Variants in EBF1 observed in about 807,000 individuals in gnomAD.
EBF1 encodes EBF transcription factor 1.
In EBF1, 10 loss-of-function variants were observed where a neutral mutation model predicts 68.4. That is an observed-to-expected ratio of 0.15 (90% CI 0.09 to 0.25). The LOEUF (loss-of-function observed/expected upper bound fraction) is 0.25. Ranked by LOEUF, EBF1 falls within the 10% of genes least tolerant of loss-of-function variation. The pLI is 1.00. For missense variants in EBF1, 509 were observed against 794.4 expected (o/e 0.64, Z 4.32); for synonymous variants, 298 against 299.8 (o/e 0.99, Z 0.06).
intron 6 of EBF1, among the ~76,000 whole-genome samples, chr5:158,847,010 T>C (rs1287166723): frequency 6.6e-6 from 1 of 152,160 alleles, no homozygotes; most frequent in Non-Finnish European, 1.5e-5. Flanking sequence ...TGTGGCACTA[T>C]CTTGGGGATC....
chr5:158,824,003 C>T (rs985547531), intron 7 of EBF1, among the ~76,000 whole-genome samples: 9 of 151,874 alleles, frequency 5.9e-5, no homozygotes, highest in Non-Finnish European at 1.2e-4. Context: ...CATAAAGTGA[C>T]TGTGAACCCA....
chr5:158,938,101 T>C (rs1479934458), intron 6 of EBF1, among the ~76,000 whole-genome samples: 1 of 152,228 alleles, frequency 6.6e-6, no homozygotes, highest in Non-Finnish European at 1.5e-5. Context: ...AATCTTGATA[T>C]TTTTGTTTTG....
At chr5:159,014,136 T>C (rs568026652) in intron 6 of EBF1, among the ~76,000 whole-genome samples, 2 of 152,372 alleles carry the variant, frequency 1.3e-5, no homozygotes, top group South Asian at 4.1e-4. Flanking sequence ...TTATCTTTTA[T>C]TATTTCTTCT....
chr5:158,788,796 C>G (rs561265919), intron 9 of EBF1, among the ~76,000 whole-genome samples: 100 of 152,168 alleles, frequency 6.6e-4, no homozygotes, highest in Admixed American at 1.3e-3. Context: ...ACCTCCTGAA[C>G]ACGCTGTAAA....
rs540968998 is a variant in EBF1, at chr5:159,041,265, G to A, written c.554+32131C>T. Among the ~76,000 whole-genome samples, 6 of 152,232 alleles carry A rather than the reference G, an allele frequency of 3.9e-5. No homozygotes were observed. In the South Asian group the frequency reaches 1.0e-3, roughly 26 times the overall value. The stretch of plus-strand genomic sequence containing the variant: ...CAAACACTGCATGGAAAAGGCAAAC[G>A]TTAACTTTTTAATGTTCTGTGTCAT... On this transcript the variant is annotated intron_variant, in intron 6 of 15. Coordinates refer to ENST00000313708, the MANE Select transcript of EBF1 (RefSeq NM_024007.5).
At chr5:158,763,520 G>C (rs771129303) in intron 10 of EBF1, among the ~76,000 whole-genome samples, 1 of 152,082 alleles carries the variant, frequency 6.6e-6, no homozygotes, top group Non-Finnish European at 1.5e-5. Flanking sequence ...CTTCTTTTTT[G>C]TCAACAGACA....
chr5:158,784,348 G>T (rs1777007932), intron 9 of EBF1, among the ~76,000 whole-genome samples: 1 of 152,128 alleles, frequency 6.6e-6, no homozygotes, highest in Non-Finnish European at 1.5e-5. Context: ...CATAATTCCT[G>T]GTACATGTAC....
chr5:159,096,899 C>T, intron 2 of EBF1, 75 bp downstream of exon 2: 1 of 1,536,210 alleles, frequency 6.5e-7, no homozygotes, highest in Non-Finnish European at 8.8e-7. Flanking sequence ...CAAGGAAGGG[C>T]GCGCTGCCCA....
rs76807040 is a variant in EBF1 at position 158,699,174 on chromosome 5, C to T, written c.1745-32G>A. The T allele has an allele frequency of 0.027, 43,319 of 1,590,722 alleles. 5,744 individuals carry two copies. The African/African-American group carries it at 0.39, about 14-fold the overall frequency. On this transcript the variant is annotated intron_variant, in intron 15 of 15. Coordinates refer to ENST00000313708, the MANE Select transcript of EBF1 (RefSeq NM_024007.5). ...AAGAAAAGACAGAAGTCAATGGTTT[C>T]TTTGCGTTCAAACTTCTCACTGAGA...
At chr5:158,904,782 C>A (rs891923797) in intron 6 of EBF1, among the ~76,000 whole-genome samples, 3 of 152,108 alleles carry the variant, frequency 2.0e-5, no homozygotes, top group Non-Finnish European at 4.4e-5. Flanking sequence ...TTATACAAGG[C>A]ACATGCTCGC....
intron 8 of EBF1, among the ~76,000 whole-genome samples, chr5:158,818,541 A>G (rs1287906263): frequency 6.6e-6 from 1 of 152,228 alleles, no homozygotes; most frequent in African/African-American, 2.4e-5. Context: ...ATTTCTCCAA[A>G]GCTATAATTA....
intron 10 of EBF1, among the ~76,000 whole-genome samples, chr5:158,758,229 AT>A (rs1475040080): frequency 6.6e-6 from 1 of 152,232 alleles, no homozygotes; most frequent in African/African-American, 2.4e-5. Flanking sequence ...TTTACTTAAC[AT>A]CTACTGGGTA....
At chr5:159,054,683 C>G (rs1774430837) in intron 6 of EBF1, among the ~76,000 whole-genome samples, 1 of 152,118 alleles carries the variant, frequency 6.6e-6, no homozygotes, top group Non-Finnish European at 1.5e-5. Context: ...AGTGGATATG[C>G]AGAAAATGAA....
chr5:158,890,930 T>C (rs780948675), intron 6 of EBF1, among the ~76,000 whole-genome samples: 4 of 152,194 alleles, frequency 2.6e-5, no homozygotes, highest in Non-Finnish European at 4.4e-5. Flanking sequence ...AAACTATTTG[T>C]TTTCTTCCCC....
chr5:158,976,531 A>G (rs1246586671), intron 6 of EBF1, among the ~76,000 whole-genome samples: 1 of 151,910 alleles, frequency 6.6e-6, no homozygotes, highest in Non-Finnish European at 1.5e-5. Flanking sequence ...TACAGAAACT[A>G]GAAAAGAAAG....
chr5:158,766,927 C>T (rs1772809272), intron 10 of EBF1, among the ~76,000 whole-genome samples: 1 of 152,124 alleles, frequency 6.6e-6, no homozygotes, highest in African/African-American at 2.4e-5. Context: ...AAAAGCAAAT[C>T]ATGTTATATC....
intron 6 of EBF1, among the ~76,000 whole-genome samples, chr5:158,933,206 T>C (rs140255679): frequency 2.0e-5 from 3 of 152,132 alleles, no homozygotes; most frequent in African/African-American, 7.2e-5. Context: ...GTAAACTTTT[T>C]CCCAGAGACT....
rs1002876205 is a variant in EBF1, at chr5:158,731,157, G to A, written c.1037C>T (p.Ala346Val). ...KGTPGRFIYT[A>V]LNEPTIDYGF... Reference sequence around the variant, plus strand: ...ATAATCGATGGTGGGTTCGTTGAGCGCTGCAATAAAGAAGTCACACAATTA... The same window carrying A: ...ATAATCGATGGTGGGTTCGTTGAGCACTGCAATAAAGAAGTCACACAATTA... The change falls in exon 11 of 16, where the codon GCG (alanine) becomes GTG (valine). Residue 346 changes from alanine (A) to valine (V), a missense_variant and splice_region_variant. Coordinates refer to ENST00000313708, the MANE Select transcript of EBF1 (RefSeq NM_024007.5). 1.9e-6 allele frequency: 3 copies of A among 1,613,688 alleles called. No homozygotes were observed. The highest frequency in any genetic ancestry group is 2.2e-5 in the East Asian group (1 of 44,872).
intron 7 of EBF1, among the ~76,000 whole-genome samples, chr5:158,823,903 C>G (rs530287820): frequency 8.6e-5 from 13 of 151,004 alleles, no homozygotes; most frequent in Non-Finnish European, 1.3e-4. Context: ...CCAAAAAATT[C>G]CTGCTAATTA....
Sources: allele counts gnomAD v4.1 joint callset (sites outside exome capture counted in the v4.1 genomes callset), GRCh38; gene constraint gnomAD v4.1.1; transcripts MANE v1.5; gene names NCBI Gene and HGNC (gene_info 2026-07-23, HGNC 2026-07-21).